The following ASPH variants were observed in gnomAD, a reference collection of about 807,000 sequenced individuals.
The protein encoded by ASPH is aspartate beta-hydroxylase, also known as aspartyl/asparaginyl beta-hydroxylase.
A neutral mutation model predicts 118.4 loss-of-function variants in ASPH; 100 were observed. The observed-to-expected ratio is 0.84, with a 90% CI of 0.72 to 1.00. The LOEUF is 1.00. Ranked by LOEUF, ASPH falls within the 50% of genes least tolerant of loss-of-function variation. The pLI, the probability that ASPH is intolerant of heterozygous loss-of-function variation, is 0.00. For synonymous variants in ASPH, 315 were observed against 325.6 expected (o/e 0.97, Z 0.35); for missense variants, 920 against 919.5 (o/e 1.00, Z -0.01).
chr8:61,527,856 G>A (rs1220397535), intron 21 of ASPH, among the ~76,000 whole-genome samples: 1 of 152,198 alleles, frequency 6.6e-6, no homozygotes, highest in Non-Finnish European at 1.5e-5. Context: ...AGGTGGTCTT[G>A]TTGGTGGTCA....
chr8:61,513,277 C>G (rs911700244), intron 24 of ASPH, among the ~76,000 whole-genome samples: 4 of 152,188 alleles, frequency 2.6e-5, no homozygotes, highest in African/African-American at 7.2e-5. Context: ...CACAGAACTT[C>G]CAGATTTCAT....
chr8:61,554,830 T>C (rs1239317120), intron 19 of ASPH, among the ~76,000 whole-genome samples: 1 of 152,196 alleles, frequency 6.6e-6, no homozygotes, highest in Non-Finnish European at 1.5e-5. Context: ...CTCGACCTCC[T>C]GGGCCTGAGT....
At chr8:61,689,691 T>G (rs1249066679) in intron 1 of ASPH, 6 of 1,590,100 alleles carry the variant, frequency 3.8e-6, no homozygotes, top group Non-Finnish European at 4.3e-6. Context: ...TCAGCCATTT[T>G]GATTTCTTCA....
At chr8:61,557,342 A>G (rs546293689) in intron 18 of ASPH, among the ~76,000 whole-genome samples, 1 of 151,884 alleles carries the variant, frequency 6.6e-6, no homozygotes, top group African/African-American at 2.4e-5. Context: ...TGCCCCTCCC[A>G]GCCAAGCCTC....
intron 1 of ASPH, 162 bp from the exon 2 acceptor site, chr8:61,684,350 GAAAA>G: frequency 1.3e-6 from 1 of 753,248 alleles, no homozygotes; most frequent in Non-Finnish European, 2.0e-6. Flanking sequence ...AAATATTTCT[GAAAA>G]CAGAAAAGAT....
chr8:61,656,583 T>C (rs574269169), intron 3 of ASPH: 1 of 152,338 alleles, frequency 6.6e-6, no homozygotes, highest in South Asian at 2.1e-4. Flanking sequence ...CCAGTCATTA[T>C]GTATGGTGAA....
chr8:61,585,398 A>C (rs1839103106), intron 14 of ASPH, among the ~76,000 whole-genome samples: 1 of 152,176 alleles, frequency 6.6e-6, no homozygotes, highest in Non-Finnish European at 1.5e-5. Context: ...ATAGAGACGA[A>C]TTAAAACAAT....
intron 1 of ASPH, among the ~76,000 whole-genome samples, chr8:61,712,294 G>C (rs1163280843): frequency 6.6e-6 from 1 of 152,126 alleles, no homozygotes; most frequent in Non-Finnish European, 1.5e-5. Flanking sequence ...TTTATCTTTC[G>C]AGTACAGCCT....
intron 1 of ASPH, among the ~76,000 whole-genome samples, chr8:61,704,864 G>A (rs1836205208): frequency 6.6e-6 from 1 of 152,134 alleles, no homozygotes; most frequent in Non-Finnish European, 1.5e-5. Flanking sequence ...TCCACACATG[G>A]TTAGTGGGAG....
chr8:61,664,877 T>C (rs2151336599), intron 3 of ASPH: 2 of 1,000,510 alleles, frequency 2.0e-6, no homozygotes, highest in Non-Finnish European at 2.4e-6. Context: ...GTATTTAGCA[T>C]ACTTGAAAAA....
intron 3 of ASPH, chr8:61,675,747 G>T: frequency 9.2e-7 from 1 of 1,091,552 alleles, no homozygotes; most frequent in Non-Finnish European, 1.1e-6. Flanking sequence ...ACAATTTGCT[G>T]TTAAGTGTCC....
intron 18 of ASPH, among the ~76,000 whole-genome samples, chr8:61,557,280 A>G (rs1205376654): frequency 6.6e-6 from 1 of 151,820 alleles, no homozygotes; most frequent in Admixed American, 6.6e-5. Flanking sequence ...AACCACCCCC[A>G]AGGCCTCCCT....
intron 1 of ASPH, among the ~76,000 whole-genome samples, chr8:61,704,945 A>T (rs1427805335): frequency 6.6e-6 from 1 of 152,160 alleles, no homozygotes; most frequent in Non-Finnish European, 1.5e-5. Flanking sequence ...ACATACACCT[A>T]CCCTATAGCC....
intron 18 of ASPH, among the ~76,000 whole-genome samples, chr8:61,562,441 C>A (rs1469461970): frequency 7.9e-6 from 1 of 127,342 alleles, no homozygotes; most frequent in Non-Finnish European, 1.6e-5. Context: ...AACTTAAATT[C>A]TTCTTCCTGT....
Position 61,608,388 on chromosome 8 carries a change from T to C in ASPH, c.976+10590A>G, listed in dbSNP as rs192775693. On this transcript the variant is annotated intron_variant, in intron 14 of 24. Transcript: ENST00000379454. ...CAGCTGCCTCAACTACCAAGCTCAG[T>C]ATTCTGTCCACGCCATGAGAAGGAA... Among the ~76,000 whole-genome samples the C allele has an allele frequency of 5.3e-5, 8 of 152,290 alleles. No individual in the cohort carries two copies. The East Asian group carries it at 1.5e-3, about 29-fold the overall frequency.
intron 13 of ASPH, chr8:61,626,323 C>T (rs866701181): frequency 6.7e-7 from 1 of 1,483,676 alleles, no homozygotes; most frequent in Middle Eastern, 1.8e-4. Context: ...ACCAACCAGA[C>T]ACAGACTGTG....
chr8:61,587,909 T>A (rs896127864), intron 14 of ASPH, among the ~76,000 whole-genome samples: 3 of 152,118 alleles, frequency 2.0e-5, no homozygotes, highest in African/African-American at 7.2e-5. Flanking sequence ...TTCAGGCTGG[T>A]GATGGGACCC....
intron 22 of ASPH, among the ~76,000 whole-genome samples, chr8:61,523,304 T>TTTTCTTTC (rs142232867): frequency 0.012 from 1,727 of 139,560 alleles, 15 homozygotes; most frequent in Non-Finnish European, 0.019. Context: ...ACACTTATTA[T>TTTTCTTTC]TTTCTTTCTT....
At chr8:61,624,568 A>G (rs1309153454) in intron 13 of ASPH, 1 of 980,966 alleles carries the variant, frequency 1.0e-6, no homozygotes, top group African/African-American at 1.7e-5. Context: ...TGCACTCAAC[A>G]TTTAATAGAA....
Sources: allele counts gnomAD v4.1 joint callset (sites outside exome capture counted in the v4.1 genomes callset), GRCh38; gene constraint gnomAD v4.1.1; transcripts MANE v1.5; gene names NCBI Gene and HGNC (gene_info 2026-07-23, HGNC 2026-07-21).